NTM: variants seen among roughly 807,000 people sequenced by gnomAD.
NTM encodes IgLON family member 2.
In NTM, 13 loss-of-function variants were observed where a neutral mutation model predicts 42.1. That is an observed-to-expected ratio of 0.31 (90% CI 0.20 to 0.49). NTM has a LOEUF of 0.49. Ranked by LOEUF, NTM falls within the 20% of genes least tolerant of loss-of-function variation. The probability of loss-of-function intolerance (pLI) is 0.99; values close to 1 mark genes in which losing one functional copy is unlikely to be tolerated. For synonymous variants in NTM, 187 were observed against 179.2 expected (o/e 1.04, Z -0.35); for missense variants, 373 against 452.8 (o/e 0.82, Z 1.60).
intron 1 of NTM, among the ~76,000 whole-genome samples, chr11:131,418,436 A>T (rs1411492593): frequency 3.9e-5 from 6 of 152,216 alleles, no homozygotes; most frequent in Non-Finnish European, 8.8e-5. Flanking sequence ...CCACCTAGAG[A>T]TATTCAAGTC....
intron 2 of NTM, among the ~76,000 whole-genome samples, chr11:131,942,945 C>CA (rs5795748): frequency 0.025 from 3,459 of 138,746 alleles, 112 homozygotes; most frequent in African/African-American, 0.083. Flanking sequence ...GACCCTGTCT[C>CA]AAAAAAAAAA....
At chr11:131,957,252 C>G (rs1417765269) in intron 2 of NTM, among the ~76,000 whole-genome samples, 2 of 152,176 alleles carry the variant, frequency 1.3e-5, no homozygotes, top group Non-Finnish European at 2.9e-5. Context: ...AGAAAAAAGT[C>G]TAACCAATGT....
At chr11:132,044,962 G>C (rs1717109221) in intron 2 of NTM, among the ~76,000 whole-genome samples, 1 of 152,156 alleles carries the variant, frequency 6.6e-6, no homozygotes, top group Admixed American at 6.5e-5. Context: ...AGAAGAGATA[G>C]TACCATTCCT....
chr11:131,792,319 G>T (rs1174151510), intron 1 of NTM, among the ~76,000 whole-genome samples: 1 of 152,164 alleles, frequency 6.6e-6, no homozygotes, highest in East Asian at 1.9e-4. Context: ...TCGTGTCCTG[G>T]AGTAAGTTTG....
intron 1 of NTM, among the ~76,000 whole-genome samples, chr11:131,561,113 C>A (rs2056176708): frequency 6.6e-6 from 1 of 152,198 alleles, no homozygotes; most frequent in Non-Finnish European, 1.5e-5. Flanking sequence ...CGCAGTCAGG[C>A]TTTTACCGAG....
At chr11:131,476,839 T>G (rs934685456) in intron 1 of NTM, among the ~76,000 whole-genome samples, 1 of 140,234 alleles carries the variant, frequency 7.1e-6, no homozygotes, top group Non-Finnish European at 1.5e-5. Context: ...CTAAATACTA[T>G]AAGCATTTAA....
At chr11:131,429,378 G>C (rs1948467827) in intron 1 of NTM, among the ~76,000 whole-genome samples, 3 of 152,214 alleles carry the variant, frequency 2.0e-5, no homozygotes, top group Admixed American at 2.0e-4. Context: ...TTTGTAAATA[G>C]GGTCAAGAGA....
chr11:132,319,267 AGGTGCAGGACAGTG>A (rs1010433131), intron 7 of NTM, among the ~76,000 whole-genome samples: 2 of 152,114 alleles, frequency 1.3e-5, no homozygotes, highest in South Asian at 2.1e-4. Context: ...GCCAGACAGT[AGGTGCAGGACAGTG>A]GGTGCAGCTC....
intron 1 of NTM, among the ~76,000 whole-genome samples, chr11:131,448,814 G>A (rs1419645756): frequency 6.6e-6 from 1 of 152,218 alleles, no homozygotes; most frequent in Non-Finnish European, 1.5e-5. Context: ...CGGAAGTCAC[G>A]ACAAGCCTGC....
chr11:132,323,547 C>A (rs377367776), intron 7 of NTM, among the ~76,000 whole-genome samples: 1 of 150,348 alleles, frequency 6.7e-6, no homozygotes, highest in Non-Finnish European at 1.5e-5. Flanking sequence ...GCTTACCAAC[C>A]AAAAAGAGTC....
intron 1 of NTM, among the ~76,000 whole-genome samples, chr11:131,641,963 G>C (rs1457528886): frequency 6.6e-6 from 1 of 152,090 alleles, no homozygotes; most frequent in Non-Finnish European, 1.5e-5. Flanking sequence ...CTGACCTCAT[G>C]ATCCACCTGC....
At chr11:132,212,870 C>A (rs2083098907) in intron 4 of NTM, among the ~76,000 whole-genome samples, 1 of 151,998 alleles carries the variant, frequency 6.6e-6, no homozygotes. Flanking sequence ...ATAGTCCAGC[C>A]TCTCTTCTAG....
At chr11:132,031,769 G>A (rs2075951462) in intron 2 of NTM, among the ~76,000 whole-genome samples, 1 of 152,138 alleles carries the variant, frequency 6.6e-6, no homozygotes, top group Admixed American at 6.5e-5. Context: ...AATGAAAATT[G>A]ATAATAGACT....
intron 2 of NTM, among the ~76,000 whole-genome samples, chr11:132,052,502 G>A (rs2078994417): frequency 6.6e-6 from 1 of 152,176 alleles, no homozygotes; most frequent in Non-Finnish European, 1.5e-5. Context: ...GCAAGGAAGA[G>A]GGAGAGTGAG....
chr11:132,317,648 G>A (rs746312886), intron 7 of NTM: 12 of 1,302,382 alleles, frequency 9.2e-6, no homozygotes, highest in South Asian at 3.7e-5. Flanking sequence ...TCCCTCAACC[G>A]ATTTAGAACT....
At chr11:131,675,736 C>T (rs1176044081) in intron 1 of NTM, among the ~76,000 whole-genome samples, 1 of 152,138 alleles carries the variant, frequency 6.6e-6, no homozygotes, top group Non-Finnish European at 1.5e-5. Flanking sequence ...CACAGAGGGC[C>T]TTGACTTAGA....
Position 132,335,047 on chromosome 11 carries a change from T to C in NTM, c.969T>C (p.Gly323=), listed in dbSNP as rs1393264927. The C allele has an allele frequency of 6.2e-7, 1 of 1,611,788 alleles. No homozygotes were observed. The highest frequency in any genetic ancestry group is 8.5e-7 in the Non-Finnish European group (1 of 1,179,918). ...VKTTALTPWK[G]PGAVSEVSNG... ...ACGGCGAGTGTGTTCTCTCCACAGG[T>C]CCAGGCGCCGTCAGCGAGGTGAGCA... Residue 323 remains glycine (G), a splice_region_variant and synonymous_variant, in exon 9 of 9, where the codon GGT becomes GGC. Transcript: ENST00000683400.
rs370103694 is a variant in NTM, at chr11:131,920,424, AAC to A, written c.167+8779_167+8780del. The stretch of plus-strand genomic sequence containing the variant: ...TTTTACTTTTGGTCAGGTCTAGGGC[AAC>A]ACCAGTGCATCTGGCATTAGAAACT... On this transcript the variant is annotated intron_variant, in intron 2 of 8. Coordinates refer to ENST00000683400, the MANE Select transcript of NTM (RefSeq NM_001352005.2). 1.8e-4 allele frequency among the ~76,000 whole-genome samples: 28 copies of A among 152,336 alleles called. No homozygotes were observed. In the South Asian group the frequency reaches 5.6e-3, roughly 30 times the overall value.
chr11:132,163,559 A>G (rs1346625796), intron 3 of NTM, among the ~76,000 whole-genome samples: 1 of 152,248 alleles, frequency 6.6e-6, no homozygotes, highest in East Asian at 1.9e-4. Context: ...TGAGGAGACC[A>G]ACTAACCCAA....
Sources: gnomAD v4.1 joint callset for allele counts (sites outside exome capture counted in the v4.1 genomes callset) on GRCh38, gnomAD v4.1.1 for gene constraint, MANE v1.5 for transcripts, NCBI Gene and HGNC (gene_info 2026-07-23, HGNC 2026-07-21) for gene names.